ZMYND12: variants seen among roughly 807,000 people sequenced by gnomAD.
The protein encoded by ZMYND12 is zinc finger MYND-type containing 12, also known as zinc finger MYND domain-containing protein 12.
A neutral mutation model predicts 41.7 loss-of-function variants in ZMYND12; 32 were observed. That is an observed-to-expected ratio of 0.77 (90% CI 0.58 to 1.03). ZMYND12 has a LOEUF of 1.03. Ranked by LOEUF, ZMYND12 falls within the 50% of genes least tolerant of loss-of-function variation. The pLI is 0.00. For missense variants in ZMYND12, 424 were observed against 438.5 expected (o/e 0.97, Z 0.30); for synonymous variants, 148 against 164.8 (o/e 0.90, Z 0.78).
intron 1 of ZMYND12, among the ~76,000 whole-genome samples, chr1:42,452,160 T>C (rs1009054831): frequency 6.6e-6 from 1 of 152,224 alleles, no homozygotes; most frequent in African/African-American, 2.4e-5. Context: ...TCACTGTTTG[T>C]TTTCTTAGTG....
chr1:42,453,998 G>C (rs550891881), intron 1 of ZMYND12, among the ~76,000 whole-genome samples: 3 of 152,292 alleles, frequency 2.0e-5, no homozygotes, highest in South Asian at 4.1e-4. Flanking sequence ...AGAGAGAAAA[G>C]TATGACGGGG....
At chr1:42,448,378 C>T (rs149986071) in intron 3 of ZMYND12, 89 bp downstream of exon 3, 19 of 1,364,600 alleles carry the variant, frequency 1.4e-5, no homozygotes, top group African/African-American at 9.0e-5. Flanking sequence ...CTCTTGGTGC[C>T]ACTGTCAAGG....
At chr1:42,431,969 C>T (rs1642857821) in intron 7 of ZMYND12, among the ~76,000 whole-genome samples, 1 of 152,002 alleles carries the variant, frequency 6.6e-6, no homozygotes, top group African/African-American at 2.4e-5. Context: ...CCATGTCACC[C>T]ACACAAAAAG....
At chr1:42,451,716 G>A (rs530435113) in intron 1 of ZMYND12, among the ~76,000 whole-genome samples, 1 of 152,280 alleles carries the variant, frequency 6.6e-6, no homozygotes, top group Admixed American at 6.5e-5. Context: ...CATTTAAAAT[G>A]TTTTTGGGGA....
intron 3 of ZMYND12, among the ~76,000 whole-genome samples, chr1:42,447,000 G>T (rs1284921277): frequency 2.6e-5 from 4 of 152,118 alleles, no homozygotes; most frequent in Non-Finnish European, 5.9e-5. Context: ...ATGGATTTAA[G>T]CCCATTGAAT....
chr1:42,452,138 T>C (rs1050698371), intron 1 of ZMYND12, among the ~76,000 whole-genome samples: 2 of 152,230 alleles, frequency 1.3e-5, no homozygotes, highest in African/African-American at 4.8e-5. Flanking sequence ...CTTCCTATTA[T>C]TGAATACCAC....
chr1:42,441,223 G>A (rs775456862), intron 3 of ZMYND12, among the ~76,000 whole-genome samples: 2 of 152,198 alleles, frequency 1.3e-5, no homozygotes, highest in African/African-American at 2.4e-5. Context: ...CAGAGTCTGA[G>A]CTGGGTTTTG....
At chr1:42,433,358 A>C (rs1353636056) in intron 6 of ZMYND12, 70 bp from the exon 7 acceptor site, 1 of 1,494,168 alleles carries the variant, frequency 6.7e-7, no homozygotes, top group Non-Finnish European at 8.9e-7. Flanking sequence ...AAAAGCACTC[A>C]GCTGTTAAAG....
chr1:42,438,461 T>C (rs2148405856), intron 4 of ZMYND12, among the ~76,000 whole-genome samples: 1 of 152,208 alleles, frequency 6.6e-6, no homozygotes, highest in South Asian at 2.1e-4. Flanking sequence ...GCTAGCACTA[T>C]GGAAGAAGGC....
intron 4 of ZMYND12, among the ~76,000 whole-genome samples, chr1:42,439,623 T>G (rs772735750): frequency 6.6e-6 from 1 of 152,194 alleles, no homozygotes; most frequent in Non-Finnish European, 1.5e-5. Context: ...TCAGGGCAAC[T>G]GAAACTTCAG....
intron 3 of ZMYND12, among the ~76,000 whole-genome samples, chr1:42,445,325 C>T (rs1488785581): frequency 4.0e-5 from 6 of 150,526 alleles, no homozygotes; most frequent in South Asian, 2.1e-4. Context: ...CCTAGCTACT[C>T]GGGAGGCTGA....
At chr1:42,437,655 G>A (rs1642922468) in intron 4 of ZMYND12, among the ~76,000 whole-genome samples, 1 of 150,948 alleles carries the variant, frequency 6.6e-6, no homozygotes, top group South Asian at 2.1e-4. Flanking sequence ...TGGCATGACA[G>A]GCACACACCA....
chr1:42,452,845 A>G (rs962947897), intron 1 of ZMYND12, among the ~76,000 whole-genome samples: 1 of 152,250 alleles, frequency 6.6e-6, no homozygotes, highest in Non-Finnish European at 1.5e-5. Flanking sequence ...ATTCAGAGAA[A>G]AGAAGGAAAT....
chr1:42,441,091 G>T (rs1187560604), intron 3 of ZMYND12, among the ~76,000 whole-genome samples: 2 of 152,288 alleles, frequency 1.3e-5, no homozygotes, highest in East Asian at 3.9e-4. Flanking sequence ...GGGAATCAAA[G>T]TGCAACATGA....
In ZMYND12 at chr1:42,436,530, C is replaced by G; in HGVS notation, c.608G>C (p.Ser203Thr). 6.2e-7 allele frequency: 1 copy of G among 1,613,122 alleles called. No homozygotes were observed. The highest frequency in any genetic ancestry group is 8.5e-7 in the Non-Finnish European group (1 of 1,179,244). Residue 203 changes from serine to threonine, a missense_variant, in exon 5 of 8, where the codon AGT becomes ACT. Transcript: ENST00000372565. ...AATGTCCTCTGTTCCAAATGCACAA[C>G]TGGCAAAATAAATCTATAGCAGAAG... is the stretch of plus-strand genomic sequence containing the variant. Reference protein sequence around the residue: ...YHLANDIYFASCAFGTEDIRT... With the variant: ...YHLANDIYFATCAFGTEDIRT...
At chr1:42,437,468 G>GTGTT (rs1207010245) in intron 4 of ZMYND12, among the ~76,000 whole-genome samples, 1 of 151,364 alleles carries the variant, frequency 6.6e-6, no homozygotes, top group Non-Finnish European at 1.5e-5. Context: ...GTGTGTGTGT[G>GTGTT]TGTGTGTGTG....
At chr1:42,439,025 C>T (rs977374089) in intron 4 of ZMYND12, among the ~76,000 whole-genome samples, 1 of 152,190 alleles carries the variant, frequency 6.6e-6, no homozygotes, top group Non-Finnish European at 1.5e-5. Context: ...CTTTCTTATA[C>T]ATCTAGCTCT....
chr1:42,433,694 G>A (rs763916538), intron 6 of ZMYND12, among the ~76,000 whole-genome samples: 31 of 152,196 alleles, frequency 2.0e-4, no homozygotes, highest in Non-Finnish European at 3.8e-4. Flanking sequence ...GGAGAGAACT[G>A]GGGGAAGGGA....
chr1:42,446,776 C>T (rs1247050860), intron 3 of ZMYND12, among the ~76,000 whole-genome samples: 3 of 151,954 alleles, frequency 2.0e-5, no homozygotes, highest in African/African-American at 7.3e-5. Context: ...GCAGTAATAC[C>T]CCAAAAGCAT....
Sources: allele counts gnomAD v4.1 joint callset (sites outside exome capture counted in the v4.1 genomes callset), GRCh38; gene constraint gnomAD v4.1.1; transcripts MANE v1.5; gene names NCBI Gene and HGNC (gene_info 2026-07-23, HGNC 2026-07-21).